PARP8: variants seen among roughly 807,000 people sequenced by gnomAD.
PARP8 encodes protein mono-ADP-ribosyltransferase PARP8.
Under a neutral mutation model 124.1 loss-of-function variants are expected in PARP8, and 51 were observed. That is an observed-to-expected ratio of 0.41 (90% CI 0.33 to 0.52). The LOEUF (loss-of-function observed/expected upper bound fraction) is 0.52, where lower values mean the gene tolerates loss of function less well. PARP8 is among the 20% of genes least tolerant of loss of function. The pLI is 0.21. For synonymous variants in PARP8, 391 were observed against 361.5 expected (o/e 1.08, Z -0.93); for missense variants, 860 against 1,018.9 (o/e 0.84, Z 2.12).
intron 7 of PARP8, among the ~76,000 whole-genome samples, chr5:50,773,691 A>G (rs1761859232): frequency 6.6e-6 from 1 of 152,120 alleles, no homozygotes; most frequent in South Asian, 2.1e-4. Context: ...CCTGTAAAGG[A>G]TGTCATTGAT....
intron 3 of PARP8, among the ~76,000 whole-genome samples, chr5:50,754,156 C>T (rs71590690): frequency 0.18 from 6,148 of 34,514 alleles, 331 homozygotes; most frequent in South Asian, 0.27. Context: ...TATATACACA[C>T]ACACACACAC....
chr5:50,696,180 T>G (rs1753003912), intron 2 of PARP8, among the ~76,000 whole-genome samples: 1 of 152,218 alleles, frequency 6.6e-6, no homozygotes, highest in Admixed American at 6.5e-5. Context: ...TTCTGTGGGT[T>G]AATCTGTCTT....
intron 2 of PARP8, among the ~76,000 whole-genome samples, chr5:50,706,473 T>G (rs1302637234): frequency 1.3e-5 from 2 of 152,112 alleles, no homozygotes; most frequent in Admixed American, 6.6e-5. Context: ...GGTAAACTTC[T>G]TAGGATTGTT....
At chr5:50,839,637 A>G (rs1172131071) in intron 25 of PARP8, among the ~76,000 whole-genome samples, 5 of 149,156 alleles carry the variant, frequency 3.4e-5, no homozygotes, top group African/African-American at 9.9e-5. Context: ...TTTATTTAAT[A>G]CTTTTAAGCA....
intron 3 of PARP8, among the ~76,000 whole-genome samples, chr5:50,752,369 A>T (rs1292934791): frequency 6.6e-6 from 1 of 151,964 alleles, no homozygotes; most frequent in Non-Finnish European, 1.5e-5. Context: ...CTTTTTAGGG[A>T]TGGTTCTGGG....
chr5:50,713,221 C>T (rs1376178091), intron 2 of PARP8, among the ~76,000 whole-genome samples: 1 of 151,774 alleles, frequency 6.6e-6, no homozygotes, highest in Non-Finnish European at 1.5e-5. Context: ...ATTGAGTGCT[C>T]AATAAACTTT....
At chr5:50,750,226 G>A in intron 3 of PARP8, 38 bp downstream of exon 3, 1 of 1,498,488 alleles carries the variant, frequency 6.7e-7, no homozygotes, top group Non-Finnish European at 9.2e-7. Context: ...ATTCGTATCA[G>A]GGTTCCTTTG....
intron 10 of PARP8, among the ~76,000 whole-genome samples, chr5:50,791,156 C>A (rs1741910321): frequency 6.6e-6 from 1 of 152,074 alleles, no homozygotes; most frequent in South Asian, 2.1e-4. Flanking sequence ...ATAACTTTTT[C>A]ACAGGAAAAT....
intron 7 of PARP8, among the ~76,000 whole-genome samples, chr5:50,773,041 T>G (rs1045530431): frequency 2.6e-5 from 4 of 152,216 alleles, no homozygotes; most frequent in African/African-American, 9.7e-5. Context: ...TTTGTTTGTT[T>G]GTCTTTGTTC....
chr5:50,724,973 T>C (rs1378806248), intron 2 of PARP8, among the ~76,000 whole-genome samples: 1 of 152,060 alleles, frequency 6.6e-6, no homozygotes, highest in East Asian at 1.9e-4. Context: ...CACTCCTGAG[T>C]TACTTCACTT....
intron 2 of PARP8, among the ~76,000 whole-genome samples, chr5:50,717,347 A>G (rs866410716): frequency 2.0e-5 from 3 of 152,002 alleles, no homozygotes; most frequent in African/African-American, 2.4e-5. Context: ...TAGGGGGCAA[A>G]GGAAAGAAAG....
At chr5:50,693,418 T>G (rs919262996) in intron 2 of PARP8, among the ~76,000 whole-genome samples, 2 of 152,164 alleles carry the variant, frequency 1.3e-5, no homozygotes, top group Non-Finnish European at 2.9e-5. Context: ...GGTCAGACCC[T>G]ATCTCAAGAT....
intron 2 of PARP8, among the ~76,000 whole-genome samples, chr5:50,736,027 G>C (rs1217060050): frequency 7.1e-6 from 1 of 140,660 alleles, no homozygotes; most frequent in African/African-American, 2.7e-5. Flanking sequence ...ATTAAATCTA[G>C]TGGTGTCCCC....
intron 10 of PARP8, among the ~76,000 whole-genome samples, chr5:50,790,529 G>T (rs1449194222): frequency 6.6e-6 from 1 of 151,472 alleles, no homozygotes; most frequent in East Asian, 1.9e-4. Context: ...GTTCTACTTT[G>T]TGTACTTTTG....
intron 25 of PARP8, among the ~76,000 whole-genome samples, chr5:50,839,116 T>A (rs1324266521): frequency 6.6e-6 from 1 of 152,076 alleles, no homozygotes; most frequent in Non-Finnish European, 1.5e-5. Flanking sequence ...TTATGAAATG[T>A]TCTTACATAC....
intron 23 of PARP8, 48 bp from the exon 24 acceptor site, chr5:50,833,931 C>A (rs1230730597): frequency 3.3e-6 from 5 of 1,497,144 alleles, no homozygotes; most frequent in South Asian, 1.1e-5. Flanking sequence ...GCTTTTTTCA[C>A]AAAGTGTTTC....
At chr5:50,712,574 C>G (rs578024436) in intron 2 of PARP8, among the ~76,000 whole-genome samples, 1 of 152,156 alleles carries the variant, frequency 6.6e-6, no homozygotes, top group African/African-American at 2.4e-5. Context: ...ATGATTTCCT[C>G]ATTTACTCAT....
intron 2 of PARP8, among the ~76,000 whole-genome samples, chr5:50,728,961 C>A (rs1756706017): frequency 6.6e-6 from 1 of 152,020 alleles, no homozygotes; most frequent in Non-Finnish European, 1.5e-5. Flanking sequence ...AACTTATTAT[C>A]TAATTTTTAT....
chr5:50,832,343 A>G (rs1420565243), intron 22 of PARP8, among the ~76,000 whole-genome samples: 1 of 152,200 alleles, frequency 6.6e-6, no homozygotes, highest in Non-Finnish European at 1.5e-5. Context: ...ATTTGTCTTA[A>G]TTAGAAGAAA....
Sources: allele counts gnomAD v4.1 joint callset (sites outside exome capture counted in the v4.1 genomes callset), GRCh38; gene constraint gnomAD v4.1.1; transcripts MANE v1.5; gene names NCBI Gene and HGNC (gene_info 2026-07-23, HGNC 2026-07-21).